VAT1L: variants seen among roughly 807,000 people sequenced by gnomAD.
VAT1L encodes the protein putative NADPH-dependent quinone oxidoreductase VAT1L.
Under a neutral mutation model 44.1 loss-of-function variants are expected in VAT1L, and 34 were observed. The ratio of observed to expected loss-of-function variants is 0.77; its 90% CI spans 0.59 to 1.03. VAT1L has a LOEUF of 1.03. VAT1L is among the 50% of genes least tolerant of loss of function. The probability of loss-of-function intolerance (pLI) is 0.00; values close to 1 mark genes in which losing one functional copy is unlikely to be tolerated. For missense variants in VAT1L, 615 were observed against 538.8 expected (o/e 1.14, Z -1.40); for synonymous variants, 253 against 202.2 (o/e 1.25, Z -2.13).
chr16:77,955,729 C>CAA (rs61334608), intron 7 of VAT1L, among the ~76,000 whole-genome samples: 18,478 of 137,706 alleles, frequency 0.13, 1,424 homozygotes, highest in East Asian at 0.22. Flanking sequence ...TCCCCCCCCC[C>CAA]AAAAAAAAAA....
chr16:77,853,747 A>T (rs2016829054), intron 3 of VAT1L, among the ~76,000 whole-genome samples: 1 of 152,138 alleles, frequency 6.6e-6, no homozygotes, highest in African/African-American at 2.4e-5. Context: ...CTGGCACCAC[A>T]CACTGAGAAG....
chr16:77,891,187 T>A (rs2017261764), intron 7 of VAT1L, among the ~76,000 whole-genome samples: 1 of 151,980 alleles, frequency 6.6e-6, no homozygotes, highest in Admixed American at 6.6e-5. Context: ...ACCCCGTCAC[T>A]ACTAAAAGTA....
intron 3 of VAT1L, among the ~76,000 whole-genome samples, chr16:77,852,991 C>A (rs1014566966): frequency 1.3e-5 from 2 of 152,216 alleles, no homozygotes; most frequent in Non-Finnish European, 2.9e-5. Flanking sequence ...ACACAGTAAA[C>A]TCTGTGGAGC....
At chr16:77,818,803 G>A (rs1364555080) in intron 2 of VAT1L, among the ~76,000 whole-genome samples, 1 of 152,190 alleles carries the variant, frequency 6.6e-6, no homozygotes. Context: ...CAGTTAGGGT[G>A]TGATATGGGA....
chr16:77,844,909 CAG>C (rs754296993), intron 3 of VAT1L, among the ~76,000 whole-genome samples: 3 of 152,082 alleles, frequency 2.0e-5, no homozygotes, highest in Non-Finnish European at 4.4e-5. Context: ...GAATATCAGG[CAG>C]AGAGACCTAC....
chr16:77,813,753 CAT>C (rs1396947739), intron 1 of VAT1L, among the ~76,000 whole-genome samples: 2 of 152,136 alleles, frequency 1.3e-5, no homozygotes. Context: ...TTTCCCAATT[CAT>C]AGTTTTACAG....
At chr16:77,842,152 G>C (rs2016713902) in intron 3 of VAT1L, among the ~76,000 whole-genome samples, 1 of 152,194 alleles carries the variant, frequency 6.6e-6, no homozygotes. Flanking sequence ...CTCCCAAAGT[G>C]CTGGGATTAC....
chr16:77,965,631 G>A (rs1471064198), intron 7 of VAT1L, among the ~76,000 whole-genome samples: 2 of 152,152 alleles, frequency 1.3e-5, no homozygotes, highest in African/African-American at 4.8e-5. Flanking sequence ...AGCTGGCCGT[G>A]GCATCCCAGA....
chr16:77,880,237 A>G (rs1381787750), intron 6 of VAT1L, among the ~76,000 whole-genome samples: 1 of 151,490 alleles, frequency 6.6e-6, no homozygotes, highest in Non-Finnish European at 1.5e-5. Context: ...GCTCACTGCA[A>G]CCTCCACCTC....
intron 3 of VAT1L, among the ~76,000 whole-genome samples, chr16:77,843,269 C>G (rs9922309): frequency 0.14 from 21,107 of 152,016 alleles, 2,207 homozygotes; most frequent in African/African-American, 0.29. Flanking sequence ...TGTTGGCCTC[C>G]GAGAAGCCAG....
chr16:77,972,007 G>C (rs1287219152), intron 8 of VAT1L, 74 bp downstream of exon 8: 12 of 1,457,374 alleles, frequency 8.2e-6, no homozygotes, highest in Non-Finnish European at 1.1e-5. Context: ...GCAGACACGG[G>C]TGGGGTAGAA....
chr16:77,798,378 A>T (rs4131054), intron 1 of VAT1L, among the ~76,000 whole-genome samples: 25,968 of 152,220 alleles, frequency 0.17, 2,365 homozygotes, highest in Admixed American at 0.23. Flanking sequence ...CAACCTGTAT[A>T]ACCTTGGAAA....
chr16:77,880,842 T>C (rs574283760), intron 6 of VAT1L, among the ~76,000 whole-genome samples: 3 of 152,178 alleles, frequency 2.0e-5, no homozygotes, highest in South Asian at 2.1e-4. Flanking sequence ...GGAGAGAACA[T>C]GCAGTATTTG....
At chr16:77,802,377 G>C (rs2016073303) in intron 1 of VAT1L, among the ~76,000 whole-genome samples, 1 of 152,048 alleles carries the variant, frequency 6.6e-6, no homozygotes, top group African/African-American at 2.4e-5. Flanking sequence ...AGCACTTTGG[G>C]AGGGCAAGGG....
chr16:77,892,696 TA>T (rs2017280771), intron 7 of VAT1L: 1 of 731,076 alleles, frequency 1.4e-6, no homozygotes, highest in Non-Finnish European at 2.6e-6. Context: ...TCCTAAAGCA[TA>T]TAGGTCCTGG....
intron 7 of VAT1L, among the ~76,000 whole-genome samples, chr16:77,906,641 C>A (rs558371367): frequency 4.6e-5 from 7 of 152,122 alleles, no homozygotes; most frequent in Non-Finnish European, 7.4e-5. Context: ...GGGGAAACTA[C>A]GGAAATGCAA....
intron 3 of VAT1L, among the ~76,000 whole-genome samples, chr16:77,855,068 G>C (rs767992969): frequency 6.6e-6 from 1 of 152,150 alleles, no homozygotes; most frequent in Non-Finnish European, 1.5e-5. Flanking sequence ...ACCGCTGGGC[G>C]TGCTGTTTCA....
chr16:77,849,725 T>A (rs2016790226), intron 3 of VAT1L, among the ~76,000 whole-genome samples: 1 of 152,172 alleles, frequency 6.6e-6, no homozygotes, highest in South Asian at 2.1e-4. Context: ...TCTGGAGACC[T>A]GGCCACTGCA....
At chr16:77,882,964 C>G (rs1007989380) in intron 6 of VAT1L, among the ~76,000 whole-genome samples, 11 of 152,164 alleles carry the variant, frequency 7.2e-5, no homozygotes, top group African/African-American at 2.7e-4. Flanking sequence ...AAATGCGTGG[C>G]TCTTATTGGT....
Sources: allele counts gnomAD v4.1 joint callset (sites outside exome capture counted in the v4.1 genomes callset), GRCh38; gene constraint gnomAD v4.1.1; transcripts MANE v1.5; gene names NCBI Gene and HGNC (gene_info 2026-07-23, HGNC 2026-07-21).